LRMDA: variants seen among roughly 807,000 people sequenced by gnomAD.
LRMDA encodes leucine-rich melanocyte differentiation-associated protein.
Under a neutral mutation model 29.8 loss-of-function variants are expected in LRMDA, and 18 were observed. The observed-to-expected ratio is 0.60, with a 90% CI of 0.42 to 0.90. The LOEUF (loss-of-function observed/expected upper bound fraction) is 0.90, where lower values mean the gene tolerates loss of function less well. Ranked by LOEUF, LRMDA falls within the 40% of genes least tolerant of loss-of-function variation. The pLI is 0.00. For synonymous variants in LRMDA, 125 were observed against 109.4 expected (o/e 1.14, Z -0.89); for missense variants, 273 against 273.9 (o/e 1.00, Z 0.02).
intron 5 of LRMDA, among the ~76,000 whole-genome samples, chr10:76,088,368 C>T (rs916105310): frequency 6.6e-6 from 1 of 152,212 alleles, no homozygotes; most frequent in Non-Finnish European, 1.5e-5. Context: ...AGCAAAGCTT[C>T]ATTCTTCCTA....
intron 2 of LRMDA, among the ~76,000 whole-genome samples, chr10:75,785,784 A>G (rs535899099): frequency 1.8e-4 from 28 of 152,268 alleles, no homozygotes; most frequent in Admixed American, 1.3e-3. Flanking sequence ...GATATGAAAC[A>G]TTAACTTAAA....
intron 2 of LRMDA, among the ~76,000 whole-genome samples, chr10:75,836,216 G>T (rs147373199): frequency 5.3e-4 from 80 of 152,284 alleles, no homozygotes; most frequent in African/African-American, 1.9e-3. Flanking sequence ...GAGAAAATGT[G>T]CATTGGCTTT....
chr10:75,697,617 G>T (rs749878675), intron 2 of LRMDA, among the ~76,000 whole-genome samples: 5 of 151,924 alleles, frequency 3.3e-5, no homozygotes, highest in Non-Finnish European at 5.9e-5. Flanking sequence ...GTCTATGGGA[G>T]ACCAGGTGGA....
intron 5 of LRMDA, among the ~76,000 whole-genome samples, chr10:76,072,785 A>G (rs1053595542): frequency 1.7e-4 from 26 of 152,224 alleles, no homozygotes; most frequent in Non-Finnish European, 2.1e-4. Flanking sequence ...TGGCTTTCCC[A>G]TTCATAGTGA....
At chr10:75,991,413 T>C (rs140971690) in intron 2 of LRMDA, among the ~76,000 whole-genome samples, 4 of 152,324 alleles carry the variant, frequency 2.6e-5, no homozygotes, top group African/African-American at 9.6e-5. Context: ...CAACTGAGCT[T>C]CTTTCTGACC....
chr10:75,616,975 C>A (rs1433022227), intron 2 of LRMDA, among the ~76,000 whole-genome samples: 1 of 152,156 alleles, frequency 6.6e-6, no homozygotes, highest in Admixed American at 6.5e-5. Flanking sequence ...ATCATAAAGA[C>A]AAAACCTTAA....
At chr10:76,091,076 T>C (rs1269622225) in intron 5 of LRMDA, among the ~76,000 whole-genome samples, 2 of 152,252 alleles carry the variant, frequency 1.3e-5, no homozygotes, top group African/African-American at 4.8e-5. Context: ...GTAGATTCAC[T>C]GCTGCTGTTT....
intron 6 of LRMDA, among the ~76,000 whole-genome samples, chr10:76,445,135 A>G (rs1188885339): frequency 6.6e-6 from 1 of 152,112 alleles, no homozygotes; most frequent in Admixed American, 6.6e-5. Flanking sequence ...GCTGTTAACT[A>G]TCCCAGGAAT....
intron 2 of LRMDA, among the ~76,000 whole-genome samples, chr10:75,870,726 C>T (rs953180094): frequency 1.3e-5 from 2 of 152,154 alleles, no homozygotes; most frequent in Admixed American, 1.3e-4. Flanking sequence ...CTACTCTCCC[C>T]ATTCACTGTT....
At chr10:76,370,966 T>C (rs1045200477) in intron 6 of LRMDA, among the ~76,000 whole-genome samples, 1 of 152,190 alleles carries the variant, frequency 6.6e-6, no homozygotes, top group Non-Finnish European at 1.5e-5. Flanking sequence ...GTAAAACCAC[T>C]GAACAAGGAG....
intron 5 of LRMDA, among the ~76,000 whole-genome samples, chr10:76,290,751 G>C (rs1840330493): frequency 6.6e-6 from 1 of 152,102 alleles, no homozygotes; most frequent in South Asian, 2.1e-4. Flanking sequence ...GTGGTGGTTA[G>C]GTGGACATTT....
At chr10:76,425,546 T>A (rs1842115045) in intron 6 of LRMDA, among the ~76,000 whole-genome samples, 1 of 151,720 alleles carries the variant, frequency 6.6e-6, no homozygotes, top group Non-Finnish European at 1.5e-5. Context: ...GTACTTGGCA[T>A]GCAAAAGCTA....
At chr10:75,897,011 C>T (rs1845594628) in intron 2 of LRMDA, among the ~76,000 whole-genome samples, 1 of 152,112 alleles carries the variant, frequency 6.6e-6, no homozygotes, top group Admixed American at 6.6e-5. Context: ...TTGTGTCAGG[C>T]TTCTGTTCAG....
At chr10:75,743,889 C>G (rs1475521654) in intron 2 of LRMDA, 1 of 152,138 alleles carries the variant, frequency 6.6e-6, no homozygotes, top group Non-Finnish European at 1.5e-5. Flanking sequence ...GCTTTCCCCA[C>G]CCCCAAGTGC....
chr10:76,549,755 G>C (rs940064257), intron 6 of LRMDA, among the ~76,000 whole-genome samples: 1 of 152,270 alleles, frequency 6.6e-6, no homozygotes, highest in East Asian at 1.9e-4. Context: ...AATCCTGCAC[G>C]TAATATAATT....
intron 2 of LRMDA, among the ~76,000 whole-genome samples, chr10:75,768,203 C>T (rs747851906): frequency 1.3e-5 from 2 of 152,198 alleles, no homozygotes; most frequent in African/African-American, 4.8e-5. Flanking sequence ...GCACTGGCAT[C>T]GTGGCACTCC....
At chr10:75,775,454 A>C (rs1843299133) in intron 2 of LRMDA, among the ~76,000 whole-genome samples, 1 of 152,218 alleles carries the variant, frequency 6.6e-6, no homozygotes, top group Non-Finnish European at 1.5e-5. Context: ...CTTGCAAAGA[A>C]ATGAGCGACA....
intron 5 of LRMDA, among the ~76,000 whole-genome samples, chr10:76,116,875 C>T (rs981835344): frequency 2.0e-5 from 3 of 152,146 alleles, no homozygotes; most frequent in South Asian, 2.1e-4. Flanking sequence ...GAGTCATTCC[C>T]GGGCTCTAAT....
intron 5 of LRMDA, among the ~76,000 whole-genome samples, chr10:76,241,021 A>G (rs1852267915): frequency 6.6e-6 from 1 of 152,106 alleles, no homozygotes; most frequent in South Asian, 2.1e-4. Context: ...ATGGAAAACC[A>G]AACATCATAT....
Sources: allele counts gnomAD v4.1 joint callset (sites outside exome capture counted in the v4.1 genomes callset), GRCh38; gene constraint gnomAD v4.1.1; transcripts MANE v1.5; gene names NCBI Gene and HGNC (gene_info 2026-07-23, HGNC 2026-07-21).